Variants in DIAPH3 observed in about 807,000 individuals in gnomAD.
DIAPH3 encodes the protein protein diaphanous homolog 3.
In DIAPH3, 117 loss-of-function variants were observed where a neutral mutation model predicts 144.3. The observed-to-expected ratio is 0.81, with a 90% CI of 0.70 to 0.95. The LOEUF (loss-of-function observed/expected upper bound fraction) is 0.95, where lower values mean the gene tolerates loss of function less well. DIAPH3 is among the 40% of genes least tolerant of loss of function. DIAPH3 has a pLI of 0.00. For missense variants in DIAPH3, 1,421 were observed against 1,412.7 expected (o/e 1.01, Z -0.09); for synonymous variants, 519 against 488.9 (o/e 1.06, Z -0.81).
intron 21 of DIAPH3, among the ~76,000 whole-genome samples, chr13:59,869,460 T>C (rs1467733085): frequency 6.6e-6 from 1 of 152,112 alleles, no homozygotes; most frequent in East Asian, 1.9e-4. Flanking sequence ...CTGAAAGAAA[T>C]AGAGTCAGTT....
chr13:59,887,690 G>T (rs1165444457), intron 20 of DIAPH3, among the ~76,000 whole-genome samples: 3 of 152,068 alleles, frequency 2.0e-5, no homozygotes, highest in African/African-American at 7.2e-5. Context: ...AGTTGTTGTA[G>T]ATAGTGTTCT....
intron 21 of DIAPH3, 57 bp downstream of exon 21, chr13:59,879,171 GC>G (rs1462513730): frequency 2.5e-6 from 4 of 1,609,816 alleles, no homozygotes; most frequent in Admixed American, 1.7e-5. Context: ...TGCAATCAGG[GC>G]TGACATTTAA....
At chr13:59,815,078 T>C (rs899259000) in intron 24 of DIAPH3, among the ~76,000 whole-genome samples, 3 of 152,222 alleles carry the variant, frequency 2.0e-5, no homozygotes, top group African/African-American at 7.2e-5. Context: ...ATTTTAAAAA[T>C]CCATTCATTC....
chr13:59,970,938 G>A lies in DIAPH3; in HGVS notation c.1873C>T (p.Pro625Ser). The change falls in exon 16 of 28, where the codon CCT becomes TCT. Residue 625 changes from proline to serine, a missense_variant. Pro to Ser is a moderately conservative substitution (Grantham distance 74). Coordinates refer to ENST00000400324, the MANE Select transcript of DIAPH3 (RefSeq NM_001042517.2). Reference protein sequence around the residue: ...PLGFLGGQNSPPLPILPFGLK... With the variant: ...PLGFLGGQNSSPLPILPFGLK... ...CCAAATGGCAGGATTGGTAGAGGAG[G>A]AGAATTTTGTCCTCCAAGGAATCCC... The A allele has an allele frequency of 6.2e-7, 1 of 1,613,922 alleles. No individual in the cohort carries two copies. Among genetic ancestry groups the A allele is most frequent in the South Asian group, 1.1e-5 (1 of 91,078 alleles).
chr13:59,736,180 C>A (rs1593707342), intron 27 of DIAPH3, among the ~76,000 whole-genome samples: 1 of 152,116 alleles, frequency 6.6e-6, no homozygotes, highest in South Asian at 2.1e-4. Flanking sequence ...TTTTGTTTAT[C>A]CAATCTATCA....
chr13:59,776,248 T>C (rs1292814771), intron 25 of DIAPH3, among the ~76,000 whole-genome samples: 1 of 152,214 alleles, frequency 6.6e-6, no homozygotes, highest in African/African-American at 2.4e-5. Flanking sequence ...CTTTTCCATC[T>C]GCTGCTATTT....
chr13:59,874,908 T>A (rs1337548448), intron 21 of DIAPH3, among the ~76,000 whole-genome samples: 1 of 152,186 alleles, frequency 6.6e-6, no homozygotes, highest in Non-Finnish European at 1.5e-5. Flanking sequence ...TAGACATTAG[T>A]AAACATTATT....
chr13:59,751,193 G>A (rs2036990541), intron 27 of DIAPH3, among the ~76,000 whole-genome samples: 1 of 152,252 alleles, frequency 6.6e-6, no homozygotes, highest in Non-Finnish European at 1.5e-5. Context: ...GGCAACGGGA[G>A]TTGCCCAGAC....
intron 2 of DIAPH3, among the ~76,000 whole-genome samples, chr13:60,115,776 G>A (rs1046654365): frequency 1.1e-4 from 16 of 150,654 alleles, no homozygotes; most frequent in Admixed American, 3.3e-4. Flanking sequence ...TTCTTTTTTC[G>A]AGATTTCTAA....
At chr13:60,102,498 AC>A (rs1235113065) in intron 3 of DIAPH3, among the ~76,000 whole-genome samples, 2 of 152,204 alleles carry the variant, frequency 1.3e-5, no homozygotes, top group Non-Finnish European at 2.9e-5. Flanking sequence ...CTATTTTAGG[AC>A]AAACATGAGA....
At chr13:59,992,309 G>A in intron 10 of DIAPH3, 123 bp from the exon 11 acceptor site, 1 of 1,027,582 alleles carries the variant, frequency 9.7e-7, no homozygotes, top group Non-Finnish European at 1.5e-6. Flanking sequence ...CATTTAAAGT[G>A]TTAAATAACA....
At chr13:60,152,711 T>C (rs1172486361) in intron 1 of DIAPH3, among the ~76,000 whole-genome samples, 1 of 152,056 alleles carries the variant, frequency 6.6e-6, no homozygotes, top group Non-Finnish European at 1.5e-5. Flanking sequence ...ACCTCTTTTG[T>C]ATGATACATA....
intron 14 of DIAPH3, among the ~76,000 whole-genome samples, chr13:59,979,009 C>A (rs1375671292): frequency 1.3e-5 from 2 of 151,584 alleles, no homozygotes; most frequent in Non-Finnish European, 3.0e-5. Flanking sequence ...CTGCCTAAAG[C>A]AAAGTATTTA....
intron 25 of DIAPH3, among the ~76,000 whole-genome samples, chr13:59,801,457 C>T (rs1022035480): frequency 3.9e-5 from 6 of 152,168 alleles, no homozygotes; most frequent in African/African-American, 1.4e-4. Flanking sequence ...ACAAGAGTTC[C>T]TGCCTGAATA....
chr13:59,956,413 G>A (rs900612068), intron 17 of DIAPH3, among the ~76,000 whole-genome samples: 1 of 152,220 alleles, frequency 6.6e-6, no homozygotes, highest in Admixed American at 6.5e-5. Context: ...TGTTGCATCA[G>A]AGGGTGCAAG....
intron 5 of DIAPH3, among the ~76,000 whole-genome samples, chr13:60,027,125 C>T: frequency 6.6e-6 from 1 of 152,164 alleles, no homozygotes; most frequent in Non-Finnish European, 1.5e-5. Context: ...TTCATTTTCA[C>T]CTACCTTTAC....
At chr13:59,983,473 G>C (rs192782024) in intron 13 of DIAPH3, among the ~76,000 whole-genome samples, 1 of 151,444 alleles carries the variant, frequency 6.6e-6, no homozygotes, top group Non-Finnish European at 1.5e-5. Context: ...GTAAAAAATG[G>C]CAGTTTTTGT....
chr13:59,899,207 C>A (rs1029612531), intron 20 of DIAPH3, among the ~76,000 whole-genome samples: 2 of 152,176 alleles, frequency 1.3e-5, no homozygotes, highest in Non-Finnish European at 2.9e-5. Flanking sequence ...CTTCAGCTTG[C>A]AGATAGCCTA....
At chr13:60,108,728 C>T (rs2058487305) in intron 3 of DIAPH3, among the ~76,000 whole-genome samples, 1 of 151,966 alleles carries the variant, frequency 6.6e-6, no homozygotes. Context: ...TGAACTAAAG[C>T]AGGGGGGAAA....
Sources: allele counts gnomAD v4.1 joint callset (sites outside exome capture counted in the v4.1 genomes callset), GRCh38; gene constraint gnomAD v4.1.1; transcripts MANE v1.5; gene names NCBI Gene and HGNC (gene_info 2026-07-23, HGNC 2026-07-21).